ADAMTSL1: variants seen among roughly 807,000 people sequenced by gnomAD.
ADAMTSL1 encodes ADAMTS-like protein 1.
A neutral mutation model predicts 201.8 loss-of-function variants in ADAMTSL1; 126 were observed. The observed-to-expected ratio is 0.62, with a 90% CI of 0.54 to 0.72. The LOEUF (loss-of-function observed/expected upper bound fraction) is 0.72. Among genes scored for constraint, ADAMTSL1 ranks in the 30% least tolerant of loss-of-function variants. The pLI is 0.00. For synonymous variants in ADAMTSL1, 1,121 were observed against 903.4 expected, an observed-to-expected ratio of 1.24 and a Z score of -4.32; for missense variants, 2,679 against 2,277.8, an observed-to-expected ratio of 1.18 and a Z score of -3.59.
chr9:18,749,908 G>A (rs1819366687), intron 15 of ADAMTSL1, among the ~76,000 whole-genome samples: 1 of 152,210 alleles, frequency 6.6e-6, no homozygotes, highest in African/African-American at 2.4e-5. Flanking sequence ...CCTCATGGCT[G>A]CCAAAAGGCC....
At chr9:18,797,905 C>A (rs1822533315) in intron 20 of ADAMTSL1, among the ~76,000 whole-genome samples, 1 of 152,110 alleles carries the variant, frequency 6.6e-6, no homozygotes, top group Non-Finnish European at 1.5e-5. Context: ...ATGTGCAAAC[C>A]ATTATCCCAA....
intron 2 of ADAMTSL1, among the ~76,000 whole-genome samples, chr9:18,230,450 A>G (rs1830607192): frequency 6.6e-6 from 1 of 152,100 alleles, no homozygotes; most frequent in Non-Finnish European, 1.5e-5. Context: ...AAAGCCAGAG[A>G]AATACTGTTA....
intron 2 of ADAMTSL1, among the ~76,000 whole-genome samples, chr9:18,383,921 A>T (rs141563633): frequency 6.6e-6 from 1 of 152,170 alleles, no homozygotes; most frequent in Non-Finnish European, 1.5e-5. Context: ...ATTCTGATTC[A>T]GTAGGTCTAG....
intron 1 of ADAMTSL1, among the ~76,000 whole-genome samples, chr9:18,495,476 T>A (rs1822488973): frequency 6.6e-6 from 1 of 152,172 alleles, no homozygotes; most frequent in Non-Finnish European, 1.5e-5. Flanking sequence ...CCAGAGCACC[T>A]CCTAGATAGC....
At chr9:18,525,273 G>A (rs980747146) in intron 2 of ADAMTSL1, among the ~76,000 whole-genome samples, 1 of 152,146 alleles carries the variant, frequency 6.6e-6, no homozygotes, top group Admixed American at 6.5e-5. Flanking sequence ...TATTTCTGTG[G>A]GATCAGTGGT....
chr9:18,757,771 A>C (rs1819856150), intron 16 of ADAMTSL1, among the ~76,000 whole-genome samples: 1 of 152,158 alleles, frequency 6.6e-6, no homozygotes. Flanking sequence ...ATTAGACCAC[A>C]AGGTCAATGA....
At chr9:18,372,065 T>A (rs1481689744) in intron 2 of ADAMTSL1, among the ~76,000 whole-genome samples, 1 of 152,176 alleles carries the variant, frequency 6.6e-6, no homozygotes, top group East Asian at 1.9e-4. Context: ...CAAAGAGACT[T>A]GAAAGTCAAT....
chr9:18,564,076 A>G (rs1052816195), intron 3 of ADAMTSL1, among the ~76,000 whole-genome samples: 3 of 152,132 alleles, frequency 2.0e-5, no homozygotes, highest in Non-Finnish European at 4.4e-5. Context: ...AAACTCCTGC[A>G]GCTAGCTTGG....
chr9:18,794,636 G>GTT (rs1267509252), intron 19 of ADAMTSL1, among the ~76,000 whole-genome samples: 7 of 104,836 alleles, frequency 6.7e-5, no homozygotes, highest in African/African-American at 2.3e-4. Flanking sequence ...GTTTTTTTTT[G>GTT]TTGTTGTTGT....
At chr9:18,759,313 A>G (rs1819938900) in intron 16 of ADAMTSL1, among the ~76,000 whole-genome samples, 2 of 152,206 alleles carry the variant, frequency 1.3e-5, no homozygotes, top group Admixed American at 1.3e-4. Flanking sequence ...TACAAAGAAA[A>G]AGAGAATTTT....
intron 2 of ADAMTSL1, among the ~76,000 whole-genome samples, chr9:18,522,518 G>A (rs1347835001): frequency 6.6e-6 from 1 of 151,852 alleles, no homozygotes; most frequent in South Asian, 2.1e-4. Flanking sequence ...GTATATATGT[G>A]CCATGTTGGT....
intron 2 of ADAMTSL1, among the ~76,000 whole-genome samples, chr9:18,182,421 A>C (rs1056432851): frequency 6.6e-6 from 1 of 152,236 alleles, no homozygotes; most frequent in African/African-American, 2.4e-5. Context: ...TGGTCTATAC[A>C]GTTTAAGAAG....
chr9:18,133,322 G>C (rs1173963956), intron 1 of ADAMTSL1, among the ~76,000 whole-genome samples: 1 of 152,100 alleles, frequency 6.6e-6, no homozygotes, highest in Non-Finnish European at 1.5e-5. Flanking sequence ...GTTTTGCTCT[G>C]ACTCCAGATT....
intron 14 of ADAMTSL1, among the ~76,000 whole-genome samples, chr9:18,707,808 G>T (rs1832315086): frequency 6.6e-6 from 1 of 152,146 alleles, no homozygotes; most frequent in East Asian, 1.9e-4. Flanking sequence ...GTTCTCCTTG[G>T]TGTATTCCAT....
chr9:18,452,303 A>G (rs1250600109), intron 2 of ADAMTSL1, among the ~76,000 whole-genome samples: 1 of 152,218 alleles, frequency 6.6e-6, no homozygotes, highest in Non-Finnish European at 1.5e-5. Context: ...CAGAACCTTC[A>G]TGACCTAATC....
chr9:17,952,650 G>A (rs1827771822), intron 1 of ADAMTSL1, among the ~76,000 whole-genome samples: 1 of 151,964 alleles, frequency 6.6e-6, no homozygotes, highest in African/African-American at 2.4e-5. Context: ...TGGAGTGGAG[G>A]GACCACAGGC....
intron 2 of ADAMTSL1, among the ~76,000 whole-genome samples, chr9:18,178,628 T>C (rs1386156711): frequency 6.6e-6 from 1 of 151,514 alleles, no homozygotes; most frequent in East Asian, 2.0e-4. Context: ...AATGTCCCTG[T>C]CTGACAGCTT....
rs200237189 is a variant in ADAMTSL1 at position 17,926,970 on chromosome 9, ATGT to A, written c.87+20055_87+20057del. ...CATTTCAGTAGTGTGAAGTACATTT[ATGT>A]TGTTGTACAACCATCATTACCATCC... On this transcript the variant is annotated intron_variant, in intron 1 of 29. Coordinates refer to the ADAMTSL1 transcript ENST00000680146. Among the ~76,000 whole-genome samples, 11 of 152,336 alleles carry A rather than the reference ATGT, an allele frequency of 7.2e-5. No homozygotes were observed. The East Asian group carries it at 2.1e-3, about 29-fold the overall frequency.
chr9:18,404,027 C>T (rs747603423), intron 2 of ADAMTSL1, among the ~76,000 whole-genome samples: 36 of 152,118 alleles, frequency 2.4e-4, no homozygotes, highest in South Asian at 1.9e-3. Context: ...GAGGTTATAG[C>T]CTTCTGTTCC....
Sources: allele counts gnomAD v4.1 joint callset (sites outside exome capture counted in the v4.1 genomes callset), GRCh38; gene constraint gnomAD v4.1.1; transcripts MANE v1.5; gene names NCBI Gene and HGNC (gene_info 2026-07-23, HGNC 2026-07-21).